ANKRD18A: variants seen among roughly 807,000 people sequenced by gnomAD.
The protein encoded by ANKRD18A is ankyrin repeat domain 18A.
In ANKRD18A, 72 loss-of-function variants were observed where a neutral mutation model predicts 110.6. The observed-to-expected ratio is 0.65, with a 90% CI of 0.54 to 0.79. The LOEUF is 0.79. Among genes scored for constraint, ANKRD18A ranks in the 30% least tolerant of loss-of-function variants. ANKRD18A has a pLI of 0.00. For missense variants in ANKRD18A, 934 were observed against 1,163.3 expected (o/e 0.80, Z 2.87); for synonymous variants, 305 against 410.3 (o/e 0.74, Z 3.10).
At chr9:38,602,678 G>C (rs932765454) in intron 7 of ANKRD18A, among the ~76,000 whole-genome samples, 4 of 152,152 alleles carry the variant, frequency 2.6e-5, no homozygotes. Context: ...TATTTGACTT[G>C]AATTTTCTGA....
At position 38,586,095 on chromosome 9, in the gene ANKRD18A, A is replaced by G. The variant is rs181656835; in HGVS notation, c.2247+88T>C. ...GCATTGATACGTGCAGCAAACCATC[A>G]TGGCACACATTTACCTATGTAACAA... On this transcript the variant is annotated intron_variant, in intron 12 of 15. Transcript: ENST00000399703. 2.1e-5 allele frequency: 27 copies of G among 1,294,562 alleles called. No individual in the cohort carries two copies. The East Asian group carries it at 6.7e-4, about 32-fold the overall frequency. 80.2% of individuals were successfully genotyped at this position (1,294,562 alleles called of 1,614,324 possible). A position where few individuals can be genotyped will look rare whatever the true frequency, so the allele number is the denominator to read the frequency against.
intron 8 of ANKRD18A, 87 bp downstream of exon 8, chr9:38,601,044 G>T: frequency 6.0e-6 from 7 of 1,176,296 alleles, no homozygotes; most frequent in Non-Finnish European, 8.4e-6. Context: ...TAGTCTAAAA[G>T]GTCACTTCAT....
rs561882301 is a variant in ANKRD18A at position 38,616,102 on chromosome 9, G to T, written c.207-58C>A. On this transcript the variant is annotated intron_variant, in intron 1 of 15. Transcript: ENST00000399703. Reference sequence around the variant, plus strand: ...AGTGCAATATCTCAAAACCTACAATGGTCCATGTCATTGTAAACATTGAAT... The same window carrying T: ...AGTGCAATATCTCAAAACCTACAATTGTCCATGTCATTGTAAACATTGAAT... The T allele has an allele frequency of 2.2e-5, 30 of 1,349,696 alleles. No individual in the cohort carries two copies. In the African/African-American group the frequency reaches 3.5e-4, roughly 16 times the overall value. The allele number at this position is 1,349,696 out of a possible 1,614,324, so 83.6% of individuals were successfully genotyped here.
chr9:38,576,037 A>G (rs1823880303), intron 14 of ANKRD18A, among the ~76,000 whole-genome samples: 1 of 152,238 alleles, frequency 6.6e-6, no homozygotes, highest in South Asian at 2.1e-4. Context: ...CTTTAGATAT[A>G]CTTGTATTTA....
At chr9:38,601,466 AC>A (rs1398287872) in intron 7 of ANKRD18A, among the ~76,000 whole-genome samples, 3 of 152,216 alleles carry the variant, frequency 2.0e-5, no homozygotes, top group Admixed American at 6.5e-5. Flanking sequence ...ATATAAAAAA[AC>A]AAAACTGCTG....
At chr9:38,611,485 C>A (rs1240602785) in intron 3 of ANKRD18A, among the ~76,000 whole-genome samples, 164 bp from the exon 4 acceptor site, 1 of 152,198 alleles carries the variant, frequency 6.6e-6, no homozygotes, top group East Asian at 1.9e-4. Flanking sequence ...CCACACACTG[C>A]CTTGAAACAC....
At chr9:38,607,213 T>C (rs1461777836) in intron 6 of ANKRD18A, among the ~76,000 whole-genome samples, 1 of 152,114 alleles carries the variant, frequency 6.6e-6, no homozygotes, top group Non-Finnish European at 1.5e-5. Flanking sequence ...CCCGCCATGA[T>C]GCCCAGCTAA....
chr9:38,587,216 A>C (rs1336944785), intron 11 of ANKRD18A, among the ~76,000 whole-genome samples: 1 of 152,224 alleles, frequency 6.6e-6, no homozygotes, highest in Non-Finnish European at 1.5e-5. Flanking sequence ...TGAAGAAGAG[A>C]TCTAGAGATC....
At position 38,575,623 on chromosome 9, in the gene ANKRD18A, A is replaced by G; in HGVS notation, c.2817T>C (p.Thr939=). The change falls in exon 15 of 16, where the codon ACT becomes ACC. Residue 939 remains threonine (T), a synonymous_variant. Coordinates refer to ENST00000399703, the MANE Select transcript of ANKRD18A (RefSeq NM_147195.4). ...EKQRMKYFLS[T]LPTRPEPELP... is the part of the protein sequence containing the mutation. ...ACTCTGGTTCTGGCCTTGTAGGAAG[A>G]GTGCTGAGAAAATATTTCATCCGCT... 6.4e-7 allele frequency: 1 copy of G among 1,551,742 alleles called. No individual in the cohort carries two copies. Among genetic ancestry groups the G allele is most frequent in the Non-Finnish European group, 8.7e-7 (1 of 1,146,870 alleles).
At chr9:38,615,098 T>G (rs1444401260) in intron 3 of ANKRD18A, among the ~76,000 whole-genome samples, 1 of 152,182 alleles carries the variant, frequency 6.6e-6, no homozygotes, top group African/African-American at 2.4e-5. Flanking sequence ...TTCTTGGCAT[T>G]TTCCCTCATT....
chr9:38,573,758 G>T (rs1370943902), intron 15 of ANKRD18A, among the ~76,000 whole-genome samples: 5 of 151,872 alleles, frequency 3.3e-5, no homozygotes, highest in African/African-American at 1.2e-4. Flanking sequence ...GTCACATTTT[G>T]CAATGAATGA....
chr9:38,575,803 C>A (rs114557775), intron 14 of ANKRD18A, 105 bp from the exon 15 acceptor site: 14 of 1,082,376 alleles, frequency 1.3e-5, no homozygotes, highest in Non-Finnish European at 1.8e-5. Context: ...ACCAAAATAC[C>A]CATTAAACAG....
chr9:38,584,715 G>A (rs1411234262), intron 12 of ANKRD18A, among the ~76,000 whole-genome samples: 2 of 152,062 alleles, frequency 1.3e-5, no homozygotes, highest in Admixed American at 1.3e-4. Context: ...ATATTTTAAA[G>A]TATCTTTTTA....
chr9:38,578,211 C>T, intron 12 of ANKRD18A, 63 bp from the exon 13 acceptor site: 1 of 1,436,394 alleles, frequency 7.0e-7, no homozygotes, highest in Non-Finnish European at 9.3e-7. Flanking sequence ...AATACAAAAC[C>T]AATAGCAAAT....
At position 38,595,705 on chromosome 9, in the gene ANKRD18A, T is replaced by G. The variant is rs1229861973; in HGVS notation, c.1635A>C (p.Arg545Ser). ...GATTTTCAAGTTCTTGTTGACGTAT[T>G]CTCTCCTCTAAAGAGTTCTGCTTTC... ...SIGKQNSLEE[R>S]IRQQELENLL... Residue 545 changes from arginine to serine, a missense_variant, in exon 9 of 16, where the codon AGA becomes AGC. Arg to Ser is a moderately radical substitution (Grantham distance 110). Around this residue, in one of 4 missense-constraint regions of ANKRD18A, gnomAD observed 630 missense variants for 797.5 expected, o/e 0.79. Transcript: ENST00000399703. 6.4e-7 allele frequency: 1 copy of G among 1,551,294 alleles called. No homozygotes were observed. The highest frequency in any genetic ancestry group is 8.7e-7 in the Non-Finnish European group (1 of 1,146,704).
At chr9:38,583,634 C>T (rs1213232471) in intron 12 of ANKRD18A, among the ~76,000 whole-genome samples, 1 of 152,112 alleles carries the variant, frequency 6.6e-6, no homozygotes, top group Admixed American at 6.5e-5. Context: ...GTGATCCACC[C>T]GCCTTGGCCT....
At chr9:38,619,673 C>G (rs1358018480) in intron 1 of ANKRD18A, among the ~76,000 whole-genome samples, 1 of 152,164 alleles carries the variant, frequency 6.6e-6, no homozygotes, top group African/African-American at 2.4e-5. Context: ...ACCCACCTCG[C>G]GCTTCCCAGT....
chr9:38,580,022 G>T (rs1352933171), intron 12 of ANKRD18A, among the ~76,000 whole-genome samples: 2 of 152,198 alleles, frequency 1.3e-5, no homozygotes, highest in Non-Finnish European at 2.9e-5. Flanking sequence ...CTTACTTGTA[G>T]CCACGTGGCT....
chr9:38,619,567 A>G (rs1393690518), intron 1 of ANKRD18A, among the ~76,000 whole-genome samples: 1 of 152,238 alleles, frequency 6.6e-6, no homozygotes, highest in Non-Finnish European at 1.5e-5. Flanking sequence ...TCATGCAAAA[A>G]TGATAAAACC....
Sources: gnomAD v4.1 joint callset for allele counts (sites outside exome capture counted in the v4.1 genomes callset) on GRCh38, gnomAD v4.1.1 for gene constraint, gnomAD v4.1.1 regional missense constraint, MANE v1.5 for transcripts, NCBI Gene and HGNC (gene_info 2026-07-23, HGNC 2026-07-21) for gene names.